WDR49: variants seen among roughly 807,000 people sequenced by gnomAD.
WDR49 encodes WD repeat domain 49.
WDR49 carries 107 observed loss-of-function variants against 119.5 expected under a neutral mutation model. That is an observed-to-expected ratio of 0.90 (90% CI 0.77 to 1.05). The LOEUF (loss-of-function observed/expected upper bound fraction) is 1.05, where lower values mean the gene tolerates loss of function less well. WDR49 is among the 50% of genes least tolerant of loss of function. WDR49 has a pLI of 0.00. For synonymous variants in WDR49, 425 were observed against 418.8 expected, an observed-to-expected ratio of 1.01 and a Z score of -0.18; for missense variants, 1,240 against 1,220.5, an observed-to-expected ratio of 1.02 and a Z score of -0.24.
chr3:167,609,090 T>C (rs1716205219), intron 5 of WDR49, among the ~76,000 whole-genome samples: 1 of 152,064 alleles, frequency 6.6e-6, no homozygotes, highest in Non-Finnish European at 1.5e-5. Context: ...TAAGATAAAA[T>C]AAGGCACTCT....
intron 2 of WDR49, among the ~76,000 whole-genome samples, chr3:167,634,087 T>G (rs1204413312): frequency 6.6e-6 from 1 of 151,978 alleles, no homozygotes; most frequent in Non-Finnish European, 1.5e-5. Context: ...ATTATTCCAG[T>G]AAACAATGTG....
In WDR49 at chr3:167,604,417, G is replaced by A; in HGVS notation, c.1010C>T (p.Thr337Ile). Residue 337 changes from threonine (T) to isoleucine (I), a missense_variant, in exon 6 of 19, where the codon ACA (threonine) becomes ATA (isoleucine). Physicochemically the swap from Thr to Ile is moderately conservative, Grantham distance 89. Transcript: ENST00000682715. ...DAIISSTTSN[T>I]NSVVMAWREK... ...TCTCCAAGCCATCACCACACTATTT[G>A]TATTGCTGGTTGTACTGGAAATGAT... 1 of 1,613,418 alleles carries A rather than the reference G, an allele frequency of 6.2e-7. No homozygotes were observed. The highest frequency in any genetic ancestry group is 1.1e-5 in the South Asian group (1 of 91,026).
upstream of WDR49, among the ~76,000 whole-genome samples, chr3:167,656,374 T>C (rs1159582226): frequency 6.6e-6 from 1 of 152,188 alleles, no homozygotes; most frequent in East Asian, 1.9e-4. Context: ...AAATGTTTTA[T>C]AGTGATATTC....
At chr3:167,624,899 A>C (rs1717061161) in intron 3 of WDR49, among the ~76,000 whole-genome samples, 1 of 152,112 alleles carries the variant, frequency 6.6e-6, no homozygotes, top group Non-Finnish European at 1.5e-5. Context: ...TGAAGGCAGC[A>C]AAGACTGAAG....
intron 7 of WDR49, among the ~76,000 whole-genome samples, chr3:167,596,950 GAAA>G (rs528182004): frequency 7.9e-6 from 1 of 127,046 alleles, no homozygotes; most frequent in Non-Finnish European, 1.7e-5. Flanking sequence ...ACTCAAAATG[GAAA>G]AAAAAAAAAA....
chr3:167,588,197 C>A (rs114413605), intron 7 of WDR49, among the ~76,000 whole-genome samples: 2,748 of 152,102 alleles, frequency 0.018, 80 homozygotes, highest in African/African-American at 0.059. Flanking sequence ...AGTGAGAACA[C>A]CTAAAGTTTG....
At chr3:167,629,813 A>AATG (rs1717288444) in intron 2 of WDR49, among the ~76,000 whole-genome samples, 1 of 152,092 alleles carries the variant, frequency 6.6e-6, no homozygotes, top group Non-Finnish European at 1.5e-5. Flanking sequence ...ATGTGGTAGA[A>AATG]ATGACAAGAG....
At chr3:167,483,281 T>G (rs78277117) in intron 18 of WDR49, among the ~76,000 whole-genome samples, 1 of 152,198 alleles carries the variant, frequency 6.6e-6, no homozygotes, top group Non-Finnish European at 1.5e-5. Context: ...CACAAGCAAT[T>G]CAGAATGCCT....
intron 11 of WDR49, among the ~76,000 whole-genome samples, chr3:167,533,477 G>A (rs989247038): frequency 3.9e-5 from 6 of 151,936 alleles, no homozygotes; most frequent in African/African-American, 1.5e-4. Context: ...TTTTATTATT[G>A]GGTAAAAGCA....
At chr3:167,496,398 C>T (rs1426956600) in intron 18 of WDR49, among the ~76,000 whole-genome samples, 4 of 152,016 alleles carry the variant, frequency 2.6e-5, no homozygotes, top group Non-Finnish European at 4.4e-5. Context: ...TCTTAGCACA[C>T]CATATTATTC....
upstream of WDR49, among the ~76,000 whole-genome samples, chr3:167,657,537 C>G (rs1271458856): frequency 6.7e-6 from 1 of 148,912 alleles, no homozygotes; most frequent in African/African-American, 2.5e-5. Context: ...ATTCTCCTCC[C>G]CCCCCACAAT....
intron 5 of WDR49, among the ~76,000 whole-genome samples, chr3:167,614,487 C>T (rs566174846): frequency 1.3e-5 from 2 of 152,152 alleles, no homozygotes; most frequent in African/African-American, 4.8e-5. Flanking sequence ...AAGGAAAATT[C>T]TCTGAAATTC....
chr3:167,572,199 G>A (rs890476575), intron 8 of WDR49, among the ~76,000 whole-genome samples: 1 of 152,260 alleles, frequency 6.6e-6, no homozygotes, highest in East Asian at 1.9e-4. Context: ...GTCCCAACTT[G>A]CTCTGCTGCT....
intron 16 of WDR49, 64 bp downstream of exon 16, chr3:167,522,251 C>T: frequency 6.9e-7 from 1 of 1,443,494 alleles, no homozygotes; most frequent in Non-Finnish European, 9.2e-7. Context: ...GAAATTTGGA[C>T]CAATCTTATC....
chr3:167,490,188 T>C (rs1751079140), intron 18 of WDR49, among the ~76,000 whole-genome samples: 1 of 152,116 alleles, frequency 6.6e-6, no homozygotes, highest in Admixed American at 6.5e-5. Flanking sequence ...TCAAAATACT[T>C]TAATAGTTTT....
chr3:167,500,651 A>AT (rs539728193), intron 17 of WDR49, among the ~76,000 whole-genome samples: 45 of 152,134 alleles, frequency 3.0e-4, no homozygotes, highest in African/African-American at 9.9e-4. Flanking sequence ...AATGGAATCT[A>AT]TTTTTTTCAG....
chr3:167,483,503 TAACA>T (rs948640588), intron 18 of WDR49, among the ~76,000 whole-genome samples: 3 of 152,160 alleles, frequency 2.0e-5, no homozygotes, highest in Non-Finnish European at 4.4e-5. Flanking sequence ...TCTTTTTAGT[TAACA>T]AACAGATTAT....
chr3:167,537,357 A>G (rs1711524156), intron 10 of WDR49, among the ~76,000 whole-genome samples: 1 of 152,148 alleles, frequency 6.6e-6, no homozygotes, highest in South Asian at 2.1e-4. Flanking sequence ...TAACAATTAA[A>G]AGAGGGGGCA....
At chr3:167,574,717 T>G (rs1162980584) in intron 8 of WDR49, among the ~76,000 whole-genome samples, 2 of 152,166 alleles carry the variant, frequency 1.3e-5, no homozygotes, top group Non-Finnish European at 2.9e-5. Context: ...TTGCTCATCT[T>G]ATGGCCAGGC....
Sources: gnomAD v4.1 joint callset for allele counts (sites outside exome capture counted in the v4.1 genomes callset) on GRCh38, gnomAD v4.1.1 for gene constraint, MANE v1.5 for transcripts, NCBI Gene and HGNC (gene_info 2026-07-23, HGNC 2026-07-21) for gene names.